The following GGN variants were observed in gnomAD, a reference collection of about 807,000 sequenced individuals.
GGN encodes the protein gametogenetin.
A neutral mutation model predicts 35.5 loss-of-function variants in GGN; 27 were observed. The observed-to-expected ratio is 0.76, with a 90% CI of 0.56 to 1.05. GGN has a LOEUF of 1.05. Among genes scored for constraint, GGN ranks in the 50% least tolerant of loss-of-function variants. The pLI, the probability that GGN is intolerant of heterozygous loss-of-function variation, is 0.00. For synonymous variants in GGN, 425 were observed against 444.1 expected, an observed-to-expected ratio of 0.96 and a Z score of 0.54; for missense variants, 1,006 against 940.7, an observed-to-expected ratio of 1.07 and a Z score of -0.91.
rs889714166 is a variant in GGN, at chr19:38,387,532, C to A, written c.-20+229G>T. On this transcript the variant is annotated intron_variant, in intron 2 of 3. Transcript: ENST00000334928. This position sits in a 1 kb window ranked among gnomAD's most constrained non-coding sequence, Gnocchi z 5.3. ...TATGTACTAAGGTTCCATGCCTGTC[C>A]CCTTGGCTGGTCATGCTGATCCCTC... is the stretch of plus-strand genomic sequence containing the variant. Among the ~76,000 whole-genome samples, 1 of 152,142 alleles carries A rather than the reference C, an allele frequency of 6.6e-6. No homozygotes were observed. Among genetic ancestry groups the A allele is most frequent in the African/African-American group, 2.4e-5 (1 of 41,410 alleles).
Position 38,385,493 on chromosome 19 carries a change from T to C in GGN, c.1769A>G (p.Asn590Ser), listed in dbSNP as rs547323868. The C allele has an allele frequency of 1.9e-6, 3 of 1,613,734 alleles. No homozygotes were observed. The South Asian group carries it at 3.3e-5, about 18-fold the overall frequency. ...GCAGTAACACTTGCAGGGACAGGAG[T>C]TAAGCACCTGGAAGGGCAGCCAGTG... ...ARHWLPFQVL[N>S]SCPCKCYCHH... Residue 590 changes from asparagine (N) to serine (S), a missense_variant, in exon 3 of 4, where the codon AAC becomes AGC. Asn to Ser is a conservative substitution (Grantham distance 46). Transcript: ENST00000334928.
chr19:38,387,684 T>G lies in GGN; in HGVS notation c.-20+77A>C, dbSNP rs1455791330. On this transcript the variant is annotated intron_variant, in intron 2 of 3. Transcript: ENST00000334928. This position sits in a 1 kb window ranked among gnomAD's most constrained non-coding sequence, Gnocchi z 5.3. Reference sequence around the variant, plus strand: ...CTCTTCCCGCTCCAGGTCTACTAGCTGGCATCCACAGTCAAGCTCCACCCC... The same window carrying G: ...CTCTTCCCGCTCCAGGTCTACTAGCGGGCATCCACAGTCAAGCTCCACCCC... The G allele has an allele frequency of 2.3e-5, 4 of 173,618 alleles. No individual in the cohort carries two copies. The highest frequency in any genetic ancestry group is 1.4e-4 in the South Asian group (1 of 7,058). 10.8% of individuals were successfully genotyped at this position (173,618 alleles called of 1,614,324 possible). A position where few individuals can be genotyped will look rare whatever the true frequency, so the allele number is the denominator to read the frequency against.
Position 38,385,810 on chromosome 19 carries a change from C to T in GGN, c.1452G>A (p.Leu484=), listed in dbSNP as rs1970704884. The T allele has an allele frequency of 5.2e-6, 8 of 1,541,472 alleles. No individual in the cohort carries two copies. The highest frequency in any genetic ancestry group is 6.1e-6 in the Non-Finnish European group (7 of 1,148,218). ...SALAPTAAPA[L]PPALAADQAP... ...CCTGGTCGGCGGCTAAGGCTGGGGGCAGAGCAGGGGCTGCGGTGGGAGCCA... is the reference window on the plus strand; with the variant it reads ...CCTGGTCGGCGGCTAAGGCTGGGGGTAGAGCAGGGGCTGCGGTGGGAGCCA... The change falls in exon 3 of 4, where the codon CTG becomes CTA. Residue 484 remains leucine, a synonymous_variant. Coordinates refer to ENST00000334928, the MANE Select transcript of GGN (RefSeq NM_152657.4).
Position 38,386,452 on chromosome 19 carries a change from GC to G in GGN, c.809del (p.Gly270AlafsTer20). ...CAGCAAAGAGGCCGCCGCCTCCGCC[GC>G]CCCCCAGCGAAGCTTTGGCTGCTAA... ...SSLAAKASLG[G>X]GGGGGLFAAS... On this transcript the variant is annotated frameshift_variant, in exon 3 of 4. Coordinates refer to ENST00000334928, the MANE Select transcript of GGN (RefSeq NM_152657.4). LOFTEE classifies it high-confidence loss of function. 6.2e-7 allele frequency: 1 copy of G among 1,612,870 alleles called. No homozygotes were observed. Among genetic ancestry groups the G allele is most frequent in the South Asian group, 1.1e-5 (1 of 91,082 alleles).
rs1208684386 is a variant in GGN, at chr19:38,387,161, G to T, written c.101C>A (p.Pro34His). The change falls in exon 3 of 4, where the codon CCC (proline) becomes CAC (histidine). Residue 34 changes from proline (P) to histidine (H), a missense_variant. By Grantham distance (77) the Pro-to-His change is moderately conservative. Coordinates refer to ENST00000334928, the MANE Select transcript of GGN (RefSeq NM_152657.4). The surrounding 1 kb of genome is among the most constrained non-coding windows in gnomAD (Gnocchi z 5.3). Reference sequence around the variant, plus strand: ...GCGCATGGCCTGGGAGGTCATCTCGGGCTCCACCAGGGACGTCCGGCGGGA... The same window carrying T: ...GCGCATGGCCTGGGAGGTCATCTCGTGCTCCACCAGGGACGTCCGGCGGGA... ...PDSRRTSLVE[P>H]EMTSQAMRLT... The T allele has an allele frequency of 8.2e-6, 13 of 1,584,802 alleles. No homozygotes were observed. The East Asian group carries it at 3.0e-4, about 37-fold the overall frequency.
chr19:38,386,116 TGCGGCCGCAC>T lies in GGN; in HGVS notation c.1136_1145del (p.Arg379HisfsTer107). 1.3e-6 allele frequency: 2 copies of T among 1,582,570 alleles called. No individual in the cohort carries two copies. The highest frequency in any genetic ancestry group is 1.7e-6 in the Non-Finnish European group (2 of 1,167,974). ...GAGGGGAGCCCCAAGGCCCAGAGAGTGCGGCCGCACGCCGTCGCGGCGCCCCGATGCCTCC... is the reference window on the plus strand; with the variant it reads ...GAGGGGAGCCCCAAGGCCCAGAGAGTGCCGTCGCGGCGCCCCGATGCCTCC... On this transcript the variant is annotated frameshift_variant, in exon 3 of 4. Transcript: ENST00000334928. LOFTEE classifies it high-confidence loss of function.
In GGN at chr19:38,385,807, G is replaced by T. The variant is rs1263986407; in HGVS notation, c.1455C>A (p.Pro485=). Reference sequence around the variant, plus strand: ...GGGCCTGGTCGGCGGCTAAGGCTGGGGGCAGAGCAGGGGCTGCGGTGGGAG... The same window carrying T: ...GGGCCTGGTCGGCGGCTAAGGCTGGTGGCAGAGCAGGGGCTGCGGTGGGAG... The part of the protein sequence containing the change: ...ALAPTAAPAL[P]PALAADQAPA... Residue 485 remains proline, a synonymous_variant, in exon 3 of 4, where the codon CCC becomes CCA. Coordinates refer to ENST00000334928, the MANE Select transcript of GGN (RefSeq NM_152657.4). The T allele has an allele frequency of 2.2e-5, 34 of 1,541,382 alleles. No homozygotes were observed. The highest frequency in any genetic ancestry group is 2.8e-5 in the Non-Finnish European group (32 of 1,148,144).
Position 38,385,434 on chromosome 19 carries a change from T to TGCGTGGCAGGCGGCGATG in GGN, c.1810_1827dup (p.His604_Arg609dup), listed in dbSNP as rs752759851. The TGCGTGGCAGGCGGCGATG allele has an allele frequency of 2.4e-5, 39 of 1,613,970 alleles. No homozygotes were observed. Among genetic ancestry groups the TGCGTGGCAGGCGGCGATG allele is most frequent in the Non-Finnish European group, 3.3e-5 (39 of 1,180,040 alleles). ...CTCCCCTCTCACCAGGCAGAGACGTTGCGTGGCAGGCGGCGATGGCGTGGC... is the reference window on the plus strand; with the variant it reads ...CTCCCCTCTCACCAGGCAGAGACGTTGCGTGGCAGGCGGCGATGGCGTGGCAGGCGGCGATGGCGTGGC... On this transcript the variant is annotated inframe_insertion, in exon 3 of 4. Coordinates refer to ENST00000334928, the MANE Select transcript of GGN (RefSeq NM_152657.4).
Position 38,385,767 on chromosome 19 carries a change from C to T in GGN, c.1495G>A (p.Ala499Thr). 1 of 1,583,772 alleles carries T rather than the reference C, an allele frequency of 6.3e-7. No individual in the cohort carries two copies. The highest frequency in any genetic ancestry group is 1.1e-5 in the South Asian group (1 of 88,854). ...GGCTCAGCCACGGTGGGAGCTGGAG[C>T]CGGGGATGGGGCCGGGGCCTGGTCG... Reference protein sequence around the residue: ...AADQAPAPSPAPAPTVAEPSP... With the variant: ...AADQAPAPSPTPAPTVAEPSP... The change falls in exon 3 of 4, where the codon GCT (alanine) becomes ACT (threonine). Residue 499 changes from alanine to threonine, a missense_variant. Ala to Thr is a moderately conservative substitution (Grantham distance 58, BLOSUM62 0). Transcript: ENST00000334928.
chr19:38,386,652 C>T lies in GGN; in HGVS notation c.610G>A (p.Ala204Thr). The T allele has an allele frequency of 6.2e-7, 1 of 1,612,028 alleles. No individual in the cohort carries two copies. The highest frequency in any genetic ancestry group is 8.5e-7 in the Non-Finnish European group (1 of 1,178,862). The part of the protein sequence containing the change: ...TPASPPTESQ[A>T]GPRNQGQTAG... ...GTCTGGCCCTGGTTGCGGGGCCCAG[C>T]CTGGCTTTCTGTCGGGGGTGAGGCG... is the stretch of plus-strand genomic sequence containing the variant. The change falls in exon 3 of 4, where the codon GCT becomes ACT. Residue 204 changes from alanine to threonine, a missense_variant. Coordinates refer to ENST00000334928, the MANE Select transcript of GGN (RefSeq NM_152657.4).
rs942994705 is a variant in GGN at position 38,387,489 on chromosome 19, C to T, written c.-19-209G>A. Among the ~76,000 whole-genome samples the T allele has an allele frequency of 2.0e-5, 3 of 152,126 alleles. No individual in the cohort carries two copies. The highest frequency in any genetic ancestry group is 4.4e-5 in the Non-Finnish European group (3 of 68,000). Reference sequence around the variant, plus strand: ...CCCCAACACAGCTGCTGTTAAGATACTTCACTACCAGCCCCATTATGTACT... The same window carrying T: ...CCCCAACACAGCTGCTGTTAAGATATTTCACTACCAGCCCCATTATGTACT... On this transcript the variant is annotated intron_variant, in intron 2 of 3. Transcript: ENST00000334928. This position sits in a 1 kb window ranked among gnomAD's most constrained non-coding sequence, Gnocchi z 5.3.
chr19:38,388,368 G>T, upstream of GGN: 2 of 396,996 alleles, frequency 5.0e-6, no homozygotes, highest in Middle Eastern at 6.3e-4. Context: ...ACTTGTGAAG[G>T]CTCCCCTCTC....
rs1568392063 is a variant in GGN at position 38,386,759 on chromosome 19, A to G, written c.503T>C (p.Leu168Pro). 6.2e-7 allele frequency: 1 copy of G among 1,610,050 alleles called. No homozygotes were observed. The change falls in exon 3 of 4, where the codon CTG (leucine) becomes CCG (proline). Residue 168 changes from leucine (L) to proline (P), a missense_variant. By Grantham distance (98) the Leu-to-Pro change is moderately conservative. Coordinates refer to ENST00000334928, the MANE Select transcript of GGN (RefSeq NM_152657.4). The part of the protein sequence containing the change: ...PRAPSQFPPP[L>P]ETWKPPPPLP... ...TGGTGGTGGCGGCTTCCAAGTCTCC[A>G]GGGGCGGCGGAAATTGGGATGGGGC... is the stretch of plus-strand genomic sequence containing the variant.
chr19:38,385,048 C>T (rs1351858822), intron 3 of GGN, among the ~76,000 whole-genome samples: 3 of 152,202 alleles, frequency 2.0e-5, no homozygotes, highest in Non-Finnish European at 2.9e-5. Flanking sequence ...CATCCCCTCA[C>T]CCCCATCCCT....
In GGN at chr19:38,386,574, C is replaced by T. The variant is rs1970728125; in HGVS notation, c.688G>A (p.Ala230Thr). 13 of 1,613,508 alleles carry T rather than the reference C, an allele frequency of 8.1e-6. No homozygotes were observed. The highest frequency in any genetic ancestry group is 1.0e-5 in the Non-Finnish European group (12 of 1,179,912). Residue 230 changes from alanine to threonine, a missense_variant, in exon 3 of 4, where the codon GCC becomes ACC. Transcript: ENST00000334928. Reference sequence around the variant, plus strand: ...CCGGACTCGGAATCCGCAGGCTGGGCCATTTCGCCTTCGCCCGCATGGGGA... The same window carrying T: ...CCGGACTCGGAATCCGCAGGCTGGGTCATTTCGCCTTCGCCCGCATGGGGA... ...APPHAGEGEM[A>T]QPADSESGLS...
Position 38,386,188 on chromosome 19 carries a change from G to A in GGN, c.1074C>T (p.Asp358=). 12 of 1,601,150 alleles carry A rather than the reference G, an allele frequency of 7.5e-6. No homozygotes were observed. Among genetic ancestry groups the A allele is most frequent in the South Asian group, 4.4e-5 (4 of 90,522 alleles). The change falls in exon 3 of 4, where the codon GAC becomes GAT. Residue 358 remains aspartate (D), a synonymous_variant. Coordinates refer to ENST00000334928, the MANE Select transcript of GGN (RefSeq NM_152657.4). ...KPKFDWVSAP[D]GPERHFRFNG... ...TGAAGCGGAAGTGGCGTTCAGGGCCGTCGGGAGCGCTAACCCAGTCGAATT... is the reference window on the plus strand; with the variant it reads ...TGAAGCGGAAGTGGCGTTCAGGGCCATCGGGAGCGCTAACCCAGTCGAATT...
chr19:38,388,369 C>A (rs896210051), upstream of GGN: 24 of 397,260 alleles, frequency 6.0e-5, no homozygotes, highest in Non-Finnish European at 6.6e-5. Flanking sequence ...CTTGTGAAGG[C>A]TCCCCTCTCG....
rs1246201202 is a variant in GGN, at chr19:38,386,869, G to T, written c.393C>A (p.Arg131=). The change falls in exon 3 of 4, where the codon CGC becomes CGA. Residue 131 remains arginine, a synonymous_variant. Transcript: ENST00000334928. ...RIRRLLEASH[R]GQGDPPSLRP... is the part of the protein sequence containing the mutation. ...GGAGGCTCGGAGGGTCGCCCTGGCC[G>T]CGATGGCTCGCCTCCAGCAGGCGGC... The T allele has an allele frequency of 1.3e-6, 2 of 1,586,222 alleles. No homozygotes were observed. Among genetic ancestry groups the T allele is most frequent in the Middle Eastern group, 3.4e-4 (2 of 5,806 alleles).
In GGN at chr19:38,386,328, C is replaced by T. The variant is rs1461823629; in HGVS notation, c.934G>A (p.Ala312Thr). The T allele has an allele frequency of 6.2e-7, 1 of 1,612,186 alleles. No individual in the cohort carries two copies. The change falls in exon 3 of 4, where the codon GCC becomes ACC. Residue 312 changes from alanine (A) to threonine (T), a missense_variant. Coordinates refer to ENST00000334928, the MANE Select transcript of GGN (RefSeq NM_152657.4). ...LGEVSRGAQEAEGGDGDGEGC... is the reference protein window; with the variant it reads ...LGEVSRGAQETEGGDGDGEGC... ...TCGCCGTCTCCATCACCTCCCTCGG[C>T]TTCCTGTGCCCCTCGAGAAACCTCT...
Sources: allele counts gnomAD v4.1 joint callset (sites outside exome capture counted in the v4.1 genomes callset), GRCh38; gene constraint gnomAD v4.1.1; non-coding constraint Gnocchi (gnomAD v3.1); transcripts MANE v1.5; gene names NCBI Gene and HGNC (gene_info 2026-07-23, HGNC 2026-07-21).